Variants in PRKD1 observed in about 807,000 individuals in gnomAD.
The protein encoded by PRKD1 is serine/threonine-protein kinase D1.
PRKD1 carries 63 observed loss-of-function variants against 95.9 expected under a neutral mutation model. That is an observed-to-expected ratio of 0.66 (90% CI 0.54 to 0.81). PRKD1 has a LOEUF of 0.81. Among genes scored for constraint, PRKD1 ranks in the 30% least tolerant of loss-of-function variants. PRKD1 has a pLI of 0.00. For synonymous variants in PRKD1, 425 were observed against 423.1 expected (o/e 1.00, Z -0.05); for missense variants, 1,048 against 1,165.3 (o/e 0.90, Z 1.47).
intron 13 of PRKD1, among the ~76,000 whole-genome samples, chr14:29,620,955 A>G (rs1215299481): frequency 6.6e-6 from 1 of 152,080 alleles, no homozygotes; most frequent in Non-Finnish European, 1.5e-5. Context: ...GACTGGATTA[A>G]GGAAATGTGG....
intron 2 of PRKD1, among the ~76,000 whole-genome samples, chr14:29,700,932 T>C (rs1884794617): frequency 7.5e-6 from 1 of 133,008 alleles, no homozygotes; most frequent in African/African-American, 3.0e-5. Context: ...TCTCGCTGTC[T>C]CCCTCCCCTT....
At chr14:29,823,629 G>A (rs1324913682) in intron 1 of PRKD1, among the ~76,000 whole-genome samples, 5 of 151,922 alleles carry the variant, frequency 3.3e-5, no homozygotes, top group African/African-American at 9.7e-5. Flanking sequence ...TTATACAACC[G>A]ACCACTGACA....
At chr14:29,667,928 TTTG>T (rs1046679781) in intron 2 of PRKD1, among the ~76,000 whole-genome samples, 78 of 118,538 alleles carry the variant, frequency 6.6e-4, no homozygotes, top group African/African-American at 3.1e-3. Flanking sequence ...GCTAGGTAAA[TTTG>T]TTTTTTTTTT....
At chr14:29,837,817 T>C (rs1336009804) in intron 1 of PRKD1, among the ~76,000 whole-genome samples, 1 of 152,212 alleles carries the variant, frequency 6.6e-6, no homozygotes, top group South Asian at 2.1e-4. Context: ...CAAACATATA[T>C]ATAAAATACT....
intron 1 of PRKD1, among the ~76,000 whole-genome samples, chr14:29,808,431 C>CTTTTTTTTTTTTT (rs1566612806): frequency 3.0e-5 from 2 of 65,770 alleles, no homozygotes; most frequent in Non-Finnish European, 5.6e-5. Flanking sequence ...GGGAGTTTTG[C>CTTTTTTTTTTTTT]TCTTGTCGCC....
chr14:29,876,981 G>A (rs530974431), intron 1 of PRKD1, among the ~76,000 whole-genome samples: 26 of 152,108 alleles, frequency 1.7e-4, no homozygotes, highest in Non-Finnish European at 3.4e-4. Flanking sequence ...GTGAAACCCC[G>A]TGTCTACTAA....
intron 2 of PRKD1, among the ~76,000 whole-genome samples, chr14:29,715,107 A>T (rs1247388563): frequency 6.6e-6 from 1 of 152,166 alleles, no homozygotes; most frequent in Non-Finnish European, 1.5e-5. Flanking sequence ...ATAAAGTATA[A>T]TTTAAAAAGT....
At chr14:29,742,845 C>G (rs1887042395) in intron 1 of PRKD1, among the ~76,000 whole-genome samples, 1 of 152,094 alleles carries the variant, frequency 6.6e-6, no homozygotes, top group Non-Finnish European at 1.5e-5. Context: ...TACCTTGTCA[C>G]ATAAGTTATT....
Position 29,746,445 on chromosome 14 carries a change from A to G in PRKD1, c.265-20771T>C, listed in dbSNP as rs1887221443. On this transcript the variant is annotated intron_variant, in intron 1 of 17. Coordinates refer to ENST00000331968, the MANE Select transcript of PRKD1 (RefSeq NM_002742.3). ...TTGGCTTGGAACATTCTTCCACATA[A>G]AAGTCCACTGGTACACACTGTCATC... is the stretch of plus-strand genomic sequence containing the variant. 2.0e-5 allele frequency among the ~76,000 whole-genome samples: 3 copies of G among 151,944 alleles called. No homozygotes were observed. The South Asian group carries it at 6.2e-4, about 32-fold the overall frequency.
intron 1 of PRKD1, among the ~76,000 whole-genome samples, chr14:29,755,505 G>A (rs1887656415): frequency 6.6e-6 from 1 of 151,974 alleles, no homozygotes; most frequent in Non-Finnish European, 1.5e-5. Context: ...GCGACACAGA[G>A]TGCCGGAAAA....
intron 1 of PRKD1, among the ~76,000 whole-genome samples, chr14:29,856,370 A>AAT (rs1555351405): frequency 6.6e-6 from 1 of 152,218 alleles, no homozygotes; most frequent in African/African-American, 2.4e-5. Flanking sequence ...ATACTTGAAT[A>AAT]ACTGATTGTA....
chr14:29,629,043 C>T lies in PRKD1; in HGVS notation c.1723G>A (p.Val575Met), dbSNP rs772615899. The change falls in exon 11 of 18, where the codon GTG (valine) becomes ATG (methionine). Residue 575 changes from valine (V) to methionine (M), a missense_variant and splice_region_variant. Around this residue, in one of 3 missense-constraint regions of PRKD1, gnomAD observed 739 missense variants for 861.9 expected, o/e 0.86. Transcript: ENST00000331968. ...SVSNCQIQEN[V>M]DISTVYQIFP... ...TATATTAGTAGGTACATACTTACCACATTTTCTTGAATCTGGCAATTTGAT... is the reference window on the plus strand; with the variant it reads ...TATATTAGTAGGTACATACTTACCATATTTTCTTGAATCTGGCAATTTGAT... 3.4e-5 allele frequency: 54 copies of T among 1,600,248 alleles called. 1 individual carries two copies. The highest frequency in any genetic ancestry group is 4.3e-5 in the Non-Finnish European group (50 of 1,170,558).
At chr14:29,668,034 AT>A (rs1413570252) in intron 2 of PRKD1, among the ~76,000 whole-genome samples, 1 of 151,956 alleles carries the variant, frequency 6.6e-6, no homozygotes, top group Non-Finnish European at 1.5e-5. Context: ...CAATTTTAAT[AT>A]TCTCCTGTTA....
intron 1 of PRKD1, among the ~76,000 whole-genome samples, chr14:29,766,124 A>G (rs1431943526): frequency 6.6e-6 from 1 of 152,058 alleles, no homozygotes; most frequent in Non-Finnish European, 1.5e-5. Context: ...GGAGAGGAGA[A>G]AGACAGGGGA....
At chr14:29,838,715 T>C (rs948291086) in intron 1 of PRKD1, among the ~76,000 whole-genome samples, 1 of 152,172 alleles carries the variant, frequency 6.6e-6, no homozygotes, top group Non-Finnish European at 1.5e-5. Flanking sequence ...AAATGCAAGA[T>C]ATAATTCATG....
intron 16 of PRKD1, among the ~76,000 whole-genome samples, chr14:29,596,840 TC>T (rs1310997905): frequency 6.6e-6 from 1 of 152,168 alleles, no homozygotes; most frequent in Non-Finnish European, 1.5e-5. Flanking sequence ...CCCTGCAATT[TC>T]TTTTAAACAA....
Position 29,817,788 on chromosome 14 carries a change from T to A in PRKD1, c.265-92114A>T, listed in dbSNP as rs144539705. The stretch of plus-strand genomic sequence containing the variant: ...GCCACTGCTTCCCTAATTCTTCTTA[T>A]AAATTCCACCCAAAAATCCAATAAA... On this transcript the variant is annotated intron_variant, in intron 1 of 17. Transcript: ENST00000331968. Among the ~76,000 whole-genome samples the A allele has an allele frequency of 1.3e-4, 20 of 152,236 alleles. No individual in the cohort carries two copies. The East Asian group carries it at 2.3e-3, about 18-fold the overall frequency.
At chr14:29,689,490 G>A (rs926006254) in intron 2 of PRKD1, among the ~76,000 whole-genome samples, 4 of 152,090 alleles carry the variant, frequency 2.6e-5, no homozygotes, top group Non-Finnish European at 5.9e-5. Flanking sequence ...CAACAAGGTT[G>A]CAGAGAAAAA....
At chr14:29,584,987 A>G (rs1199465348) in intron 16 of PRKD1, among the ~76,000 whole-genome samples, 2 of 152,214 alleles carry the variant, frequency 1.3e-5, no homozygotes, top group Non-Finnish European at 2.9e-5. Flanking sequence ...GAAACCAGAT[A>G]GAACAATCAT....
Sources: allele counts gnomAD v4.1 joint callset (sites outside exome capture counted in the v4.1 genomes callset), GRCh38; gene constraint gnomAD v4.1.1; regional missense constraint gnomAD v4.1.1; transcripts MANE v1.5; gene names NCBI Gene and HGNC (gene_info 2026-07-23, HGNC 2026-07-21).